The following COL22A1 variants were observed in gnomAD, a reference collection of about 807,000 sequenced individuals.
The protein encoded by COL22A1 is collagen type XXII alpha 1 chain, also known as collagen alpha-1(XXII) chain.
A neutral mutation model predicts 248.9 loss-of-function variants in COL22A1; 221 were observed. The ratio of observed to expected loss-of-function variants is 0.89; its 90% confidence interval spans 0.80 to 0.99. The LOEUF (loss-of-function observed/expected upper bound fraction) is 0.99, where lower values mean the gene tolerates loss of function less well. COL22A1 is among the 50% of genes least tolerant of loss of function. The pLI is 0.00. For synonymous variants in COL22A1, 891 were observed against 793.4 expected, an observed-to-expected ratio of 1.12 and a Z score of -2.07; for missense variants, 2,240 against 2,179.0, an observed-to-expected ratio of 1.03 and a Z score of -0.56.
chr8:138,685,241 A>T lies in COL22A1; in HGVS notation c.2934T>A (p.Pro978=). 6.2e-7 allele frequency: 1 copy of T among 1,613,598 alleles called. No homozygotes were observed. The highest frequency in any genetic ancestry group is 8.5e-7 in the Non-Finnish European group (1 of 1,179,750). The change falls in exon 38 of 65, where the codon CCT becomes CCA. Residue 978 remains proline (P), a synonymous_variant. Transcript: ENST00000303045. The stretch of plus-strand genomic sequence containing the variant: ...CATCCTTCCCTTTTCCGGGTGGCCC[A>T]GGGAGCCCAGGAGCACCAGGATCTC... The part of the protein sequence containing the change: ...PRGDPGAPGL[P]GPPGKGKDGE...
chr8:138,871,173 C>T (rs1379422745), intron 3 of COL22A1, among the ~76,000 whole-genome samples: 1 of 152,168 alleles, frequency 6.6e-6, no homozygotes, highest in African/African-American at 2.4e-5. Flanking sequence ...GCCAGCCTCC[C>T]TGCCGTCCCC....
chr8:138,665,970 T>C (rs1305137979), intron 41 of COL22A1, among the ~76,000 whole-genome samples: 2 of 151,544 alleles, frequency 1.3e-5, no homozygotes, highest in Non-Finnish European at 2.9e-5. Flanking sequence ...CCCAGAATAA[T>C]TGTCTTTAAG....
chr8:138,749,579 C>T (rs541402379), intron 22 of COL22A1, among the ~76,000 whole-genome samples: 45 of 152,344 alleles, frequency 3.0e-4, no homozygotes, highest in Non-Finnish European at 5.0e-4. Context: ...TCACATCATG[C>T]CGCCCAACCA....
chr8:138,644,930 A>T (rs1303193460), intron 47 of COL22A1, among the ~76,000 whole-genome samples: 1 of 152,114 alleles, frequency 6.6e-6, no homozygotes, highest in African/African-American at 2.4e-5. Flanking sequence ...AGAAATAAAG[A>T]TCTCCTTTCC....
rs539673047 is a variant in COL22A1, at chr8:138,912,655, A to C, written c.-73+964T>G. 9.2e-5 allele frequency among the ~76,000 whole-genome samples: 14 copies of C among 152,336 alleles called. No homozygotes were observed. The South Asian group carries it at 2.9e-3, about 32-fold the overall frequency. ...CTCAGGAGGCTGAGTCAGGAGGAGA[A>C]TCGCTTGAACCCGGGAGGCAGAGGT... On this transcript the variant is annotated intron_variant, in intron 1 of 64. Transcript: ENST00000303045.
intron 52 of COL22A1, among the ~76,000 whole-genome samples, chr8:138,621,548 C>G (rs1819802180): frequency 6.6e-6 from 1 of 152,194 alleles, no homozygotes; most frequent in Non-Finnish European, 1.5e-5. Context: ...ACAACAGCCT[C>G]TCAGCATAAT....
intron 31 of COL22A1, among the ~76,000 whole-genome samples, chr8:138,700,862 G>T (rs931400926): frequency 2.0e-5 from 3 of 152,082 alleles, no homozygotes; most frequent in Non-Finnish European, 4.4e-5. Context: ...CCGGGTGCCT[G>T]TAGTCCCAGC....
chr8:138,680,840 A>G (rs118033203), intron 39 of COL22A1, among the ~76,000 whole-genome samples: 5 of 152,242 alleles, frequency 3.3e-5, no homozygotes, highest in Admixed American at 2.6e-4. Context: ...CACAATATCA[A>G]CACTGGAATG....
chr8:138,748,331 C>G (rs921952289), intron 22 of COL22A1, among the ~76,000 whole-genome samples: 14 of 152,286 alleles, frequency 9.2e-5, no homozygotes, highest in African/African-American at 3.1e-4. Context: ...GTAGCTGAGA[C>G]CTTAATGTTT....
intron 3 of COL22A1, among the ~76,000 whole-genome samples, chr8:138,857,978 G>A (rs558918843): frequency 2.6e-5 from 4 of 152,310 alleles, no homozygotes; most frequent in African/African-American, 9.6e-5. Context: ...CAGGAAAACT[G>A]GCCCTGGAAT....
intron 30 of COL22A1, among the ~76,000 whole-genome samples, chr8:138,708,683 C>G (rs996095983): frequency 1.5e-4 from 23 of 152,226 alleles, no homozygotes; most frequent in African/African-American, 4.8e-4. Flanking sequence ...CCATAAAAAC[C>G]CTAGAAGAAA....
intron 56 of COL22A1, among the ~76,000 whole-genome samples, chr8:138,608,620 T>C (rs568634877): frequency 6.6e-6 from 1 of 152,192 alleles, no homozygotes; most frequent in Non-Finnish European, 1.5e-5. Context: ...TGCACATTCA[T>C]AGTTTCGGTG....
At chr8:138,844,231 A>C in intron 3 of COL22A1, 73 bp from the exon 4 acceptor site, 1 of 1,381,910 alleles carries the variant, frequency 7.2e-7, no homozygotes, top group Non-Finnish European at 1.0e-6. Flanking sequence ...ATATGACAGC[A>C]CACAAGACCC....
chr8:138,617,045 C>A, intron 53 of COL22A1, 87 bp from the exon 54 acceptor site: 1 of 1,361,986 alleles, frequency 7.3e-7, no homozygotes. Flanking sequence ...CGGCTTTGAC[C>A]CACGTTGCCC....
At chr8:138,800,066 C>T (rs7016754) in intron 11 of COL22A1, among the ~76,000 whole-genome samples, 51,080 of 152,072 alleles carry the variant, frequency 0.34, 9,762 homozygotes, top group African/African-American at 0.52. Context: ...AAGGATTGTA[C>T]CCTGGGCTAA....
chr8:138,727,228 C>T (rs955810978), intron 23 of COL22A1, among the ~76,000 whole-genome samples: 1 of 152,164 alleles, frequency 6.6e-6, no homozygotes, highest in African/African-American at 2.4e-5. Context: ...GATGACTTTT[C>T]TAGCTCAGGT....
chr8:138,812,805 C>T, intron 8 of COL22A1, 134 bp downstream of exon 8: 2 of 717,516 alleles, frequency 2.8e-6, no homozygotes, highest in South Asian at 3.3e-5. Context: ...ACCCTAAGCT[C>T]CCTCTCAGGC....
intron 16 of COL22A1, among the ~76,000 whole-genome samples, chr8:138,771,837 G>A (rs1466772179): frequency 3.3e-5 from 5 of 152,146 alleles, no homozygotes; most frequent in Admixed American, 6.5e-5. Flanking sequence ...GGCAGACCTG[G>A]CCCCCCGGGG....
At chr8:138,603,657 C>T (rs1818209581) in intron 59 of COL22A1, among the ~76,000 whole-genome samples, 1 of 152,176 alleles carries the variant, frequency 6.6e-6, no homozygotes, top group South Asian at 2.1e-4. Context: ...TCCTCTTTAC[C>T]TCATTCCAGG....
Sources: gnomAD v4.1 joint callset for allele counts (sites outside exome capture counted in the v4.1 genomes callset) on GRCh38, gnomAD v4.1.1 for gene constraint, MANE v1.5 for transcripts, NCBI Gene and HGNC (gene_info 2026-07-23, HGNC 2026-07-21) for gene names.